Variants in TMEM114 observed in about 807,000 individuals in gnomAD.
TMEM114 encodes transmembrane protein 114.
Under a neutral mutation model 6.2 loss-of-function variants are expected in TMEM114, and 6 were observed. The observed-to-expected ratio is 0.97, with a 90% CI of 0.53 to 1.91. The LOEUF (loss-of-function observed/expected upper bound fraction) is 1.91. Ranked by LOEUF, TMEM114 falls within the 40% of genes most tolerant of loss-of-function variation. The pLI, the probability that TMEM114 is intolerant of heterozygous loss-of-function variation, is 0.01. For synonymous variants in TMEM114, 104 were observed against 73.0 expected (o/e 1.42, Z -2.16); for missense variants, 218 against 158.3 (o/e 1.38, Z -2.02).
intron 2 of TMEM114, among the ~76,000 whole-genome samples, chr16:8,556,921 C>T (rs190941754): frequency 2.6e-5 from 4 of 152,108 alleles, no homozygotes; most frequent in East Asian, 1.9e-4. Flanking sequence ...GTAATGTGGC[C>T]CCTGCTGACC....
chr16:8,562,084 A>ATGAG (rs61728546), intron 2 of TMEM114, among the ~76,000 whole-genome samples: 1 of 138,446 alleles, frequency 7.2e-6, no homozygotes, highest in African/African-American at 2.7e-5. Context: ...GAGTGAATGA[A>ATGAG]TGAGTGAGTG....
the TMEM114 span, among the ~76,000 whole-genome samples, chr16:8,528,355 G>C: frequency 6.6e-6 from 1 of 152,198 alleles, no homozygotes; most frequent in Non-Finnish European, 1.5e-5. Flanking sequence ...TTCTGCTGCA[G>C]AAGATGTACC....
downstream of TMEM114, among the ~76,000 whole-genome samples, chr16:8,537,093 C>T (rs1442877979): frequency 6.6e-6 from 1 of 152,124 alleles, no homozygotes; most frequent in African/African-American, 2.4e-5. Context: ...GTAGTCCCAG[C>T]TTCTTGGGAG....
chr16:8,587,782 G>A (rs982659126), intron 2 of TMEM114, among the ~76,000 whole-genome samples: 6 of 152,152 alleles, frequency 3.9e-5, no homozygotes, highest in Non-Finnish European at 8.8e-5. Flanking sequence ...GTTTGAGGCT[G>A]CAGTGAGCTA....
chr16:8,540,689 C>T (rs1486504065), intron 2 of TMEM114, among the ~76,000 whole-genome samples: 1 of 152,178 alleles, frequency 6.6e-6, no homozygotes, highest in African/African-American at 2.4e-5. Context: ...TACTGGGAAC[C>T]AGTGGTAAGC....
chr16:8,543,790 T>C lies in TMEM114; in HGVS notation n.213-5964A>G, dbSNP rs565254562. ...TCTATAGCCCAAATTCCACACAATG[T>C]CTAGGATAGAAAATGTGCTGAAAGA... On this transcript the variant is annotated intron_variant and non_coding_transcript_variant, in intron 2 of 2. Coordinates refer to the TMEM114 transcript ENST00000623677. 8.5e-5 allele frequency among the ~76,000 whole-genome samples: 13 copies of C among 152,304 alleles called. No individual in the cohort carries two copies. The South Asian group carries it at 2.7e-3, about 32-fold the overall frequency.
At chr16:8,550,448 A>C (rs1028308112) in intron 2 of TMEM114, among the ~76,000 whole-genome samples, 4 of 151,230 alleles carry the variant, frequency 2.6e-5, no homozygotes, top group African/African-American at 9.7e-5. Context: ...TGGGAGGCCA[A>C]GGCGGGCGGA....
rs978487341 is a variant in TMEM114 at position 8,589,606 on chromosome 16, G to A, written c.220+13C>T. On this transcript the variant is annotated intron_variant, in intron 1 of 3. Transcript: ENST00000620492. ...TCGCAGCCACAGCTCCCAGCCACGG[G>A]GTGCACCCTTACCCCGGCAGGTCCG... is the stretch of plus-strand genomic sequence containing the variant. 1.0e-5 allele frequency: 4 copies of A among 398,390 alleles called. No homozygotes were observed. The highest frequency in any genetic ancestry group is 2.1e-5 in the African/African-American group (1 of 48,618). The allele number at this position is 398,390 out of a possible 1,614,324, so 24.7% of individuals were successfully genotyped here.
At chr16:8,548,370 C>G (rs1000477617) in intron 2 of TMEM114, among the ~76,000 whole-genome samples, 6 of 152,202 alleles carry the variant, frequency 3.9e-5, no homozygotes, top group African/African-American at 1.4e-4. Context: ...GGTGGCACCT[C>G]TATAGCTTCC....
At chr16:8,541,691 C>A (rs866792183) in intron 2 of TMEM114, among the ~76,000 whole-genome samples, 2 of 152,154 alleles carry the variant, frequency 1.3e-5, no homozygotes, top group African/African-American at 4.8e-5. Flanking sequence ...AAACAGCAGT[C>A]TGTTTTAATG....
At chr16:8,545,737 C>T (rs1900645884) in intron 2 of TMEM114, among the ~76,000 whole-genome samples, 1 of 152,184 alleles carries the variant, frequency 6.6e-6, no homozygotes, top group Non-Finnish European at 1.5e-5. Flanking sequence ...CTCCCTTCTC[C>T]AACTATATTA....
At chr16:8,568,003 G>C, downstream of TMEM114, among the ~76,000 whole-genome samples, 1 of 152,198 alleles carries the variant, frequency 6.6e-6, no homozygotes, top group East Asian at 1.9e-4. Flanking sequence ...CCTGAAAGGA[G>C]CAGACAGCCA....
At chr16:8,536,376 C>T (rs1370404084), downstream of TMEM114, among the ~76,000 whole-genome samples, 1 of 152,162 alleles carries the variant, frequency 6.6e-6, no homozygotes, top group African/African-American at 2.4e-5. Context: ...CTTCACCACA[C>T]CTTGACGTCT....
intron 2 of TMEM114, among the ~76,000 whole-genome samples, chr16:8,558,936 G>T (rs982549329): frequency 2.0e-5 from 3 of 151,704 alleles, no homozygotes; most frequent in Non-Finnish European, 2.9e-5. Flanking sequence ...GTAGAGACGG[G>T]GTTTCACCAT....
intron 2 of TMEM114, 125 bp from the exon 3 acceptor site, chr16:8,572,349 G>C (rs1234214782): frequency 3.0e-6 from 3 of 997,930 alleles, no homozygotes; most frequent in Non-Finnish European, 4.6e-6. Context: ...CCCCTACGAC[G>C]ATTACTTCTA....
At chr16:8,550,788 C>A (rs868768223) in intron 2 of TMEM114, among the ~76,000 whole-genome samples, 1 of 152,070 alleles carries the variant, frequency 6.6e-6, no homozygotes, top group African/African-American at 2.4e-5. Context: ...CCTGCCCACT[C>A]CCATATCCAC....
At chr16:8,527,947 G>T in the TMEM114 span, among the ~76,000 whole-genome samples, 1,402 of 152,174 alleles carry the variant, frequency 9.2e-3, 25 homozygotes, top group African/African-American at 0.032. Context: ...TCCCTGTGCT[G>T]CCCAGGCTGG....
intron 2 of TMEM114, among the ~76,000 whole-genome samples, chr16:8,586,805 T>C (rs1383991915): frequency 6.6e-6 from 1 of 152,134 alleles, no homozygotes; most frequent in Non-Finnish European, 1.5e-5. Context: ...CCACCACGCC[T>C]GGCCGAATTC....
In TMEM114 at chr16:8,572,110, G is replaced by T; in HGVS notation, c.416C>A (p.Thr139Asn). Residue 139 changes from threonine (T) to asparagine (N), a missense_variant, in exon 3 of 4, where the codon ACT becomes AAT. Physicochemically the swap from Thr to Asn is moderately conservative, Grantham distance 65. Transcript: ENST00000620492. ...ACCTCCAAAGAGGAAGAGAATTCCA[G>T]TGAGCAGGAGGAGGAGGTAGGCTTG... ...LLQAYLLLLL[T>N]GILFLFGAMV... The T allele has an allele frequency of 6.4e-7, 1 of 1,550,716 alleles. No homozygotes were observed. The highest frequency in any genetic ancestry group is 1.4e-5 in the African/African-American group (1 of 73,130).
Sources: gnomAD v4.1 joint callset for allele counts (sites outside exome capture counted in the v4.1 genomes callset) on GRCh38, gnomAD v4.1.1 for gene constraint, MANE v1.5 for transcripts, NCBI Gene and HGNC (gene_info 2026-07-23, HGNC 2026-07-21) for gene names.